The following PDIA6 variants were observed in gnomAD, a reference collection of about 807,000 sequenced individuals.
The protein encoded by PDIA6 is protein disulfide-isomerase A6.
PDIA6 carries 29 observed loss-of-function variants against 58.4 expected under a neutral mutation model. The observed-to-expected ratio is 0.50, with a 90% CI of 0.37 to 0.68. The LOEUF (loss-of-function observed/expected upper bound fraction) is 0.68. PDIA6 is among the 30% of genes least tolerant of loss of function. PDIA6 has a pLI of 0.00. For synonymous variants in PDIA6, 192 were observed against 202.6 expected, an observed-to-expected ratio of 0.95 and a Z score of 0.44; for missense variants, 480 against 551.0, an observed-to-expected ratio of 0.87 and a Z score of 1.29.
At chr2:10,800,505 A>G (rs765762912) in intron 2 of PDIA6, among the ~76,000 whole-genome samples, 14 of 148,364 alleles carry the variant, frequency 9.4e-5, no homozygotes, top group Non-Finnish European at 1.9e-4. Flanking sequence ...TAATATTTCA[A>G]TAATCATATT....
At position 10,789,897 on chromosome 2, in the gene PDIA6, A is replaced by G. The variant is rs1045017489; in HGVS notation, c.700-8T>C. On this transcript the variant is annotated splice_region_variant and splice_polypyrimidine_tract_variant and intron_variant, in intron 7 of 12. Transcript: ENST00000272227. ...TGTAGGAAATCCTCTAATCTATTAA[A>G]AAAAGGTCAGAGGATAAAATCCAAT... The G allele has an allele frequency of 3.1e-6, 5 of 1,610,096 alleles. No individual in the cohort carries two copies. The Admixed American group carries it at 8.4e-5, about 27-fold the overall frequency.
chr2:10,796,086 G>A (rs1441578582), intron 4 of PDIA6, among the ~76,000 whole-genome samples: 2 of 148,712 alleles, frequency 1.3e-5, no homozygotes, highest in East Asian at 3.9e-4. Context: ...TTTTGAGACG[G>A]AGTCTCGCTC....
Position 10,797,145 on chromosome 2 carries a change from A to G in PDIA6, c.282T>C (p.Gly94=), listed in dbSNP as rs764940545. 5 of 1,611,694 alleles carry G rather than the reference A, an allele frequency of 3.1e-6. No individual in the cohort carries two copies. Among genetic ancestry groups the G allele is most frequent in the Non-Finnish European group, 4.2e-6 (5 of 1,177,894 alleles). ...DKHHSLGGQY[G]VQGFPTIKIF... ...TCTTAATGGTAGGAAATCCCTGAAC[A>G]CCATACTGACCTCCTAGGGAATGAT... Residue 94 remains glycine (G), a synonymous_variant, in exon 4 of 13, where the codon GGT becomes GGC. Coordinates refer to ENST00000272227, the MANE Select transcript of PDIA6 (RefSeq NM_005742.4).
At chr2:10,829,940 C>A (rs530140494) in intron 1 of PDIA6, among the ~76,000 whole-genome samples, 32 of 152,322 alleles carry the variant, frequency 2.1e-4, no homozygotes, top group Admixed American at 7.8e-4. Flanking sequence ...AGGGCTTGTC[C>A]TCTGTGCTCC....
At position 10,793,076 on chromosome 2, in the gene PDIA6, C is replaced by T. The variant is rs1261038869; in HGVS notation, c.453+20G>A. The stretch of plus-strand genomic sequence containing the variant: ...CTTCAAAATTATGACACATTAAAAA[C>T]TGACATTTTATGGTCTTACTTGTTT... On this transcript the variant is annotated intron_variant, in intron 5 of 12. Coordinates refer to ENST00000272227, the MANE Select transcript of PDIA6 (RefSeq NM_005742.4). The T allele has an allele frequency of 6.5e-7, 1 of 1,532,472 alleles. No homozygotes were observed. The highest frequency in any genetic ancestry group is 9.0e-7 in the Non-Finnish European group (1 of 1,105,440). The allele number at this position is 1,532,472 out of a possible 1,614,324, so 94.9% of individuals were successfully genotyped here. A position where few individuals can be genotyped will look rare whatever the true frequency, so the allele number is the denominator to read the frequency against.
chr2:10,819,498 GA>G (rs1314219401), intron 1 of PDIA6: 1 of 593,110 alleles, frequency 1.7e-6, no homozygotes, highest in African/African-American at 1.9e-5. Flanking sequence ...TTATAGTGCT[GA>G]AAAATCTTAT....
At chr2:10,823,120 C>T (rs183644639) in intron 1 of PDIA6, 27 of 152,332 alleles carry the variant, frequency 1.8e-4, no homozygotes, top group African/African-American at 6.5e-4. Context: ...GACAAATCAC[C>T]TTGCTCATTT....
chr2:10,828,310 T>G (rs763474646), intron 1 of PDIA6, among the ~76,000 whole-genome samples: 1 of 152,188 alleles, frequency 6.6e-6, no homozygotes, highest in Non-Finnish European at 1.5e-5. Flanking sequence ...ATTTTTCAAT[T>G]AAAATGTATC....
chr2:10,795,709 G>A (rs535285678), intron 4 of PDIA6, among the ~76,000 whole-genome samples: 1 of 152,216 alleles, frequency 6.6e-6, no homozygotes, highest in South Asian at 2.1e-4. Flanking sequence ...AGGCAGCCAG[G>A]ATGGGCTGCC....
intron 7 of PDIA6, 119 bp from the exon 8 acceptor site, chr2:10,790,008 T>A: frequency 1.3e-6 from 1 of 785,756 alleles, no homozygotes; most frequent in Non-Finnish European, 2.0e-6. Context: ...TGAAGCAGTC[T>A]CACTCTGTTG....
chr2:10,794,090 C>A (rs1258063798), intron 4 of PDIA6, among the ~76,000 whole-genome samples: 1 of 56,804 alleles, frequency 1.8e-5, no homozygotes, highest in African/African-American at 3.8e-5. Context: ...ACTGGAATAA[C>A]ATATGCCATC....
chr2:10,822,683 A>G (rs1667436104), intron 1 of PDIA6, among the ~76,000 whole-genome samples: 1 of 152,256 alleles, frequency 6.6e-6, no homozygotes, highest in Non-Finnish European at 1.5e-5. Context: ...TATACCATCT[A>G]ATAAGTCAAA....
rs188714364 is a variant in PDIA6 at position 10,786,917 on chromosome 2, C to A, written c.1157+364G>T. Reference sequence around the variant, plus strand: ...GTGCCCAGAAATGGAAACCACATTTCCCCAAGGTCAAGATTACAATGCATA... The same window carrying A: ...GTGCCCAGAAATGGAAACCACATTTACCCAAGGTCAAGATTACAATGCATA... On this transcript the variant is annotated intron_variant, in intron 11 of 12. Transcript: ENST00000272227. Among the ~76,000 whole-genome samples the A allele has an allele frequency of 3.7e-3, 566 of 152,288 alleles. 5 individuals are homozygous for A. The highest frequency in any genetic ancestry group is 0.013 in the African/African-American group (547 of 41,544).
intron 1 of PDIA6, among the ~76,000 whole-genome samples, chr2:10,826,031 C>T (rs1356793665): frequency 1.3e-5 from 2 of 152,196 alleles, no homozygotes; most frequent in African/African-American, 4.8e-5. Flanking sequence ...TATGTTTTAG[C>T]AACATTATTC....
At chr2:10,834,801 C>G (rs1047504524), upstream of PDIA6, among the ~76,000 whole-genome samples, 14 of 142,472 alleles carry the variant, frequency 9.8e-5, no homozygotes, top group Non-Finnish European at 2.1e-4. Flanking sequence ...AGAGTCTGCT[C>G]TGTTGCCCAG....
intron 1 of PDIA6, among the ~76,000 whole-genome samples, chr2:10,822,796 A>C (rs1423128963): frequency 1.3e-5 from 2 of 152,190 alleles, no homozygotes; most frequent in Non-Finnish European, 1.5e-5. Flanking sequence ...TATGGTGGCC[A>C]CTCCAAAAGT....
chr2:10,802,426 A>G, intron 2 of PDIA6, 73 bp downstream of exon 2: 1 of 982,302 alleles, frequency 1.0e-6, no homozygotes, highest in Non-Finnish European at 1.4e-6. Context: ...TAATAAAATC[A>G]GATTTTTATA....
chr2:10,836,052 CA>C (rs36107200), upstream of PDIA6, among the ~76,000 whole-genome samples: 63 of 146,726 alleles, frequency 4.3e-4, no homozygotes, highest in Non-Finnish European at 4.5e-4. Context: ...GACTCTGTCT[CA>C]AAAAAAAAAA....
intron 1 of PDIA6, chr2:10,820,654 G>A: frequency 3.3e-6 from 2 of 599,752 alleles, no homozygotes; most frequent in South Asian, 3.7e-5. Flanking sequence ...TAGAAGGGAA[G>A]TTCTGTCGAG....
Sources: allele counts gnomAD v4.1 joint callset (sites outside exome capture counted in the v4.1 genomes callset), GRCh38; gene constraint gnomAD v4.1.1; transcripts MANE v1.5; gene names NCBI Gene and HGNC (gene_info 2026-07-23, HGNC 2026-07-21).